The following ALPL variants were observed in gnomAD, a reference collection of about 807,000 sequenced individuals.
ALPL encodes the protein alkaline phosphatase, biomineralization associated.
Under a neutral mutation model 51.3 loss-of-function variants are expected in ALPL, and 42 were observed. The ratio of observed to expected loss-of-function variants is 0.82; its 90% CI spans 0.64 to 1.06. The LOEUF is 1.06. Ranked by LOEUF, ALPL falls within the 50% of genes least tolerant of loss-of-function variation. The pLI, the probability that ALPL is intolerant of heterozygous loss-of-function variation, is 0.00. For missense variants in ALPL, 589 were observed against 709.4 expected, an observed-to-expected ratio of 0.83 and a Z score of 1.93; for synonymous variants, 279 against 296.4, an observed-to-expected ratio of 0.94 and a Z score of 0.60.
intron 2 of ALPL, among the ~76,000 whole-genome samples, chr1:21,557,793 G>T (rs946575162): frequency 6.6e-6 from 1 of 152,006 alleles, no homozygotes; most frequent in Non-Finnish European, 1.5e-5. Context: ...TAAATACATA[G>T]CCTGAAAAAA....
chr1:21,560,982 A>G, intron 3 of ALPL, 115 bp from the exon 4 acceptor site: 18 of 1,060,030 alleles, frequency 1.7e-5, no homozygotes, highest in Non-Finnish European at 2.6e-5. Flanking sequence ...AGCCATGCCC[A>G]GTGCCAACTG....
At position 21,560,606 on chromosome 1, in the gene ALPL, C is replaced by G; in HGVS notation, c.62-20C>G. On this transcript the variant is annotated intron_variant, in intron 2 of 11. Transcript: ENST00000374840. ...AGGCTATCCTTACCCCGCCAAGTAACTGCCTCTCTCTGTGTTTAGAGAAAG... is the reference window on the plus strand; with the variant it reads ...AGGCTATCCTTACCCCGCCAAGTAAGTGCCTCTCTCTGTGTTTAGAGAAAG... The G allele has an allele frequency of 6.2e-7, 1 of 1,613,718 alleles. No homozygotes were observed. The highest frequency in any genetic ancestry group is 8.5e-7 in the Non-Finnish European group (1 of 1,179,740).
intron 1 of ALPL, among the ~76,000 whole-genome samples, chr1:21,523,560 C>T (rs894522904): frequency 2.0e-5 from 3 of 152,112 alleles, no homozygotes; most frequent in African/African-American, 4.8e-5. Flanking sequence ...TCCCCATCTC[C>T]TCAGGGGCCT....
At chr1:21,524,515 A>G (rs780045143) in intron 1 of ALPL, among the ~76,000 whole-genome samples, 13 of 151,212 alleles carry the variant, frequency 8.6e-5, no homozygotes, top group Non-Finnish European at 1.6e-4. Context: ...AAAATATAAG[A>G]AAAAAAAATG....
At chr1:21,570,891 A>C (rs547216583) in intron 8 of ALPL, among the ~76,000 whole-genome samples, 29 of 152,182 alleles carry the variant, frequency 1.9e-4, no homozygotes, top group Non-Finnish European at 3.1e-4. Flanking sequence ...CCATGCAGCT[A>C]TCCGGGTTTT....
chr1:21,559,871 T>C (rs1644460840), intron 2 of ALPL, among the ~76,000 whole-genome samples: 1 of 152,174 alleles, frequency 6.6e-6, no homozygotes, highest in South Asian at 2.1e-4. Flanking sequence ...GATTGGTTGC[T>C]GGACACACAC....
chr1:21,564,921 A>C lies in ALPL; in HGVS notation c.648+705A>C, dbSNP rs1488539634. Among the ~76,000 whole-genome samples the C allele has an allele frequency of 6.6e-6, 1 of 152,144 alleles. No homozygotes were observed. Among genetic ancestry groups the C allele is most frequent in the Admixed American group, 6.6e-5 (1 of 15,266 alleles). On this transcript the variant is annotated intron_variant, in intron 6 of 11. Transcript: ENST00000374840. This position sits in a 1 kb window ranked among gnomAD's most constrained non-coding sequence, Gnocchi z 5.8. ...AAACACACTTCAACAAACTGAGCTG[A>C]CTCATGGAGACAGAAGTCATCCATG... is the stretch of plus-strand genomic sequence containing the variant.
chr1:21,531,840 A>T (rs1413474296), intron 1 of ALPL, among the ~76,000 whole-genome samples: 2 of 152,060 alleles, frequency 1.3e-5, no homozygotes, highest in Admixed American at 6.6e-5. Context: ...TTTCTGTAAT[A>T]TTCTCTCCAC....
At chr1:21,556,514 T>C (rs1403607078) in intron 2 of ALPL, among the ~76,000 whole-genome samples, 2 of 152,102 alleles carry the variant, frequency 1.3e-5, no homozygotes, top group African/African-American at 4.8e-5. Context: ...TAGTGCTGCA[T>C]GCTTGTAGTC....
Position 21,563,265 on chromosome 1 carries a change from G to A in ALPL, c.453G>A (p.Leu151=), listed in dbSNP as rs377693871. The A allele has an allele frequency of 1.2e-6, 2 of 1,612,608 alleles. No homozygotes were observed. The highest frequency in any genetic ancestry group is 1.7e-5 in the Admixed American group (1 of 59,970). The change falls in exon 5 of 12, where the codon CTG becomes CTA. Residue 151 remains leucine (L), a synonymous_variant. Transcript: ENST00000374840. ...TTQGNEVTSI[L]RWAKDAGKSV... ...AGGGGAACGAGGTCACCTCCATCCT[G>A]CGCTGGGCCAAGGACGCTGGTGAGT...
rs149881251 is a variant in ALPL, at chr1:21,551,627, T to A, written c.-104-2351T>A. On this transcript the variant is annotated intron_variant, in intron 1 of 11. Coordinates refer to ENST00000374840, the MANE Select transcript of ALPL (RefSeq NM_000478.6). ...GTTAAGTGTTGTTAGATGTTAGATG[T>A]GGGATATTGCCTTTTAATTTCCACT... 1.5e-3 allele frequency among the ~76,000 whole-genome samples: 231 copies of A among 151,376 alleles called. 1 individual carries two copies. Among genetic ancestry groups the A allele is most frequent in the African/African-American group, 5.5e-3 (225 of 41,280 alleles).
chr1:21,554,849 C>T (rs1289698528), intron 2 of ALPL, among the ~76,000 whole-genome samples: 1 of 135,056 alleles, frequency 7.4e-6, no homozygotes, highest in Non-Finnish European at 1.6e-5. Context: ...TTCTTTCTTT[C>T]TTTCTTTCTT....
intron 1 of ALPL, among the ~76,000 whole-genome samples, chr1:21,513,555 G>A (rs61778369): frequency 0.052 from 7,899 of 152,204 alleles, 285 homozygotes; most frequent in Non-Finnish European, 0.069. Flanking sequence ...AGGAGTAGGA[G>A]TGGAGAGATG....
At chr1:21,560,276 G>A (rs1369536293) in intron 2 of ALPL, among the ~76,000 whole-genome samples, 2 of 152,230 alleles carry the variant, frequency 1.3e-5, no homozygotes, top group Admixed American at 6.5e-5. Flanking sequence ...TGCCTTAGCA[G>A]CTCATCTCCC....
At chr1:21,533,474 A>G (rs1481922274) in intron 1 of ALPL, among the ~76,000 whole-genome samples, 1 of 152,162 alleles carries the variant, frequency 6.6e-6, no homozygotes, top group East Asian at 1.9e-4. Flanking sequence ...TTTTATCTGT[A>G]AAACAACCCT....
chr1:21,519,338 C>CG (rs1454715615), intron 1 of ALPL, among the ~76,000 whole-genome samples: 1 of 152,226 alleles, frequency 6.6e-6, no homozygotes, highest in African/African-American at 2.4e-5. Context: ...AGGCTCAGTG[C>CG]GGGGCCCGCG....
chr1:21,571,291 G>A (rs544791408), intron 8 of ALPL, among the ~76,000 whole-genome samples: 2 of 152,274 alleles, frequency 1.3e-5, no homozygotes, highest in Admixed American at 1.3e-4. Context: ...TGATGGGGCT[G>A]GAGACAACCC....
In ALPL at chr1:21,577,525, G is replaced by T; in HGVS notation, c.1452G>T (p.Met484Ile). The change falls in exon 12 of 12, where the codon ATG (methionine) becomes ATT (isoleucine). Residue 484 changes from methionine to isoleucine, a missense_variant. Transcript: ENST00000374840. ...AGCAGAACTACGTCCCCCACGTGATGGCGTATGCAGCCTGCATCGGGGCCA... is the reference window on the plus strand; with the variant it reads ...AGCAGAACTACGTCCCCCACGTGATTGCGTATGCAGCCTGCATCGGGGCCA... ...VHEQNYVPHV[M>I]AYAACIGANL... 6.2e-7 allele frequency: 1 copy of T among 1,607,572 alleles called. No individual in the cohort carries two copies. Among genetic ancestry groups the T allele is most frequent in the Non-Finnish European group, 8.5e-7 (1 of 1,179,892 alleles).
chr1:21,516,707 T>C (rs773780545), intron 1 of ALPL, among the ~76,000 whole-genome samples: 2 of 152,202 alleles, frequency 1.3e-5, no homozygotes, highest in Non-Finnish European at 2.9e-5. Context: ...AACCATCCAA[T>C]ATAGAAATTC....
Sources: allele counts gnomAD v4.1 joint callset (sites outside exome capture counted in the v4.1 genomes callset), GRCh38; gene constraint gnomAD v4.1.1; non-coding constraint Gnocchi (gnomAD v3.1); transcripts MANE v1.5; gene names NCBI Gene and HGNC (gene_info 2026-07-23, HGNC 2026-07-21).